Variants in SERPINA1 observed in about 807,000 individuals in gnomAD.
SERPINA1 encodes alpha-1-antitrypsin.
In SERPINA1, 21 loss-of-function variants were observed where a neutral mutation model predicts 25.4. That is an observed-to-expected ratio of 0.83 (90% CI 0.59 to 1.19). The LOEUF (loss-of-function observed/expected upper bound fraction) is 1.19, where lower values mean the gene tolerates loss of function less well. Ranked by LOEUF, SERPINA1 falls within the 50% of genes most tolerant of loss-of-function variation. SERPINA1 has a pLI of 0.00. For missense variants in SERPINA1, 546 were observed against 509.0 expected (o/e 1.07, Z -0.70); for synonymous variants, 218 against 211.1 (o/e 1.03, Z -0.29).
Position 94,382,665 on chromosome 14 carries a change from C to T in SERPINA1, c.573G>A (p.Gly191=), listed in dbSNP as rs200414579. The change falls in exon 2 of 5, where the codon GGG becomes GGA. Residue 191 remains glycine, a synonymous_variant. Coordinates refer to ENST00000393087, the MANE Select transcript of SERPINA1 (RefSeq NM_000295.5). The stretch of plus-strand genomic sequence containing the variant: ...GCTCCTTGACCAAATCCACAATTTT[C>T]CCTTGAGTACCCTTCTCCACGTAAT... The part of the protein sequence containing the change: ...INDYVEKGTQ[G]KIVDLVKELD... 1.4e-5 allele frequency: 23 copies of T among 1,614,252 alleles called. No individual in the cohort carries two copies. Among genetic ancestry groups the T allele is most frequent in the Non-Finnish European group, 1.9e-5 (22 of 1,180,048 alleles).
At chr14:94,384,978 A>C (rs1365548006) in intron 1 of SERPINA1, among the ~76,000 whole-genome samples, 1 of 152,198 alleles carries the variant, frequency 6.6e-6, no homozygotes, top group Non-Finnish European at 1.5e-5. Flanking sequence ...TCAGCTAGCT[A>C]GTGTTGTTAG....
Position 94,378,256 on chromosome 14 carries a change from C to T in SERPINA1, c.*193G>A. The T allele has an allele frequency of 1.6e-6, 1 of 616,502 alleles. No individual in the cohort carries two copies. The highest frequency in any genetic ancestry group is 2.8e-5 in the Admixed American group (1 of 35,454). 38.2% of individuals were successfully genotyped at this position (616,502 alleles called of 1,614,324 possible). ...CCTACCCAGCCAGATGCTCCATGAA[C>T]ACAGTTCAGGGGGCCCGAAGACAGC... On this transcript the variant is annotated 3_prime_UTR_variant, in exon 5 of 5. Coordinates refer to ENST00000393087, the MANE Select transcript of SERPINA1 (RefSeq NM_000295.5).
At chr14:94,383,684 G>T (rs1458107654) in intron 1 of SERPINA1, 3 of 178,412 alleles carry the variant, frequency 1.7e-5, no homozygotes, top group African/African-American at 7.0e-5. Flanking sequence ...TTTTACAAAA[G>T]AAGAAAATGA....
At position 94,378,297 on chromosome 14, in the gene SERPINA1, C is replaced by T; in HGVS notation, c.*152G>A. The T allele has an allele frequency of 1.4e-6, 1 of 691,934 alleles. No homozygotes were observed. The highest frequency in any genetic ancestry group is 2.4e-5 in the Admixed American group (1 of 42,362). The allele number at this position is 691,934 out of a possible 1,614,324, so 42.9% of individuals were successfully genotyped here. ...CGAAGACAGCACTGTTACCTGGAGC[C>T]CACATACAGCCTCAGCAGGCAAAGG... On this transcript the variant is annotated 3_prime_UTR_variant, in exon 5 of 5. Coordinates refer to ENST00000393087, the MANE Select transcript of SERPINA1 (RefSeq NM_000295.5).
chr14:94,380,544 T>A, intron 3 of SERPINA1: 1 of 398,872 alleles, frequency 2.5e-6, no homozygotes. Flanking sequence ...CCTTTTTGGT[T>A]CTGCCAGAAC....
Position 94,378,498 on chromosome 14 carries a change from G to C in SERPINA1, c.1208C>G (p.Thr403Ser), listed in dbSNP as rs778747339. The C allele has an allele frequency of 8.1e-6, 13 of 1,614,108 alleles. No homozygotes were observed. The South Asian group carries it at 1.4e-4, about 18-fold the overall frequency. The change falls in exon 5 of 5, where the codon ACC (threonine) becomes AGC (serine). Residue 403 changes from threonine (T) to serine (S), a missense_variant. Coordinates refer to ENST00000393087, the MANE Select transcript of SERPINA1 (RefSeq NM_000295.5). ...PFVFLMIEQN[T>S]KSPLFMGKVV... ...TTTTCCCATGAAGAGGGGAGACTTG[G>C]TATTTTGTTCAATCATTAAGAAGAC...
chr14:94,380,930 G>A lies in SERPINA1; in HGVS notation c.858C>T (p.His286=), dbSNP rs1197102086. 6.2e-7 allele frequency: 1 copy of A among 1,614,184 alleles called. No homozygotes were observed. Among genetic ancestry groups the A allele is most frequent in the South Asian group, 1.1e-5 (1 of 91,084 alleles). Residue 286 remains histidine (H), a synonymous_variant, in exon 3 of 5, where the codon CAC becomes CAT. Transcript: ENST00000393087. ...TATCGTGGGTGAGTTCATTTTCCAG[G>A]TGCTGTAGTTTCCCCTCATCAGGCA... ...FFLPDEGKLQ[H]LENELTHDII... is the part of the protein sequence containing the mutation.
chr14:94,383,217 C>T lies in SERPINA1; in HGVS notation c.21G>A (p.Trp7Ter), dbSNP rs370038282. 1 of 1,613,518 alleles carries T rather than the reference C, an allele frequency of 6.2e-7. No individual in the cohort carries two copies. MPSSVS[W>*]GILLLAGLCC... is the part of the protein sequence containing the mutation. Reference sequence around the variant, plus strand: ...ACAGGCCTGCCAGCAGGAGGATGCCCCACGAGACAGAAGACGGCATTGTCC... The same window carrying T: ...ACAGGCCTGCCAGCAGGAGGATGCCTCACGAGACAGAAGACGGCATTGTCC... The change falls in exon 2 of 5, where the codon TGG becomes TGA. Residue 7 changes from tryptophan (W) to a stop codon, truncating the protein, a stop_gained. Coordinates refer to ENST00000393087, the MANE Select transcript of SERPINA1 (RefSeq NM_000295.5). LOFTEE classifies it high-confidence loss of function.
chr14:94,385,771 G>C (rs763237559), intron 1 of SERPINA1, among the ~76,000 whole-genome samples: 27 of 152,148 alleles, frequency 1.8e-4, no homozygotes, highest in African/African-American at 6.5e-4. Flanking sequence ...GGAGGGTGGC[G>C]AGGGGGTGAC....
At position 94,382,995 on chromosome 14, in the gene SERPINA1, G is replaced by T. The variant is rs1370088901; in HGVS notation, c.243C>A (p.Ile81=). The T allele has an allele frequency of 6.2e-7, 1 of 1,609,338 alleles. No homozygotes were observed. The highest frequency in any genetic ancestry group is 8.5e-7 in the Non-Finnish European group (1 of 1,176,160). ...GGGAGAGCATTGCAAAGGCTGTAGCGATGCTCACTGGGGAGAAGAAGATAT... is the reference window on the plus strand; with the variant it reads ...GGGAGAGCATTGCAAAGGCTGTAGCTATGCTCACTGGGGAGAAGAAGATAT... ...STNIFFSPVS[I]ATAFAMLSLG... is the part of the protein sequence containing the mutation. The change falls in exon 2 of 5, where the codon ATC becomes ATA. Residue 81 remains isoleucine (I), a synonymous_variant. Coordinates refer to ENST00000393087, the MANE Select transcript of SERPINA1 (RefSeq NM_000295.5).
intron 1 of SERPINA1, among the ~76,000 whole-genome samples, chr14:94,386,574 G>C (rs1247972909): frequency 2.6e-5 from 4 of 152,204 alleles, no homozygotes; most frequent in Non-Finnish European, 5.9e-5. Context: ...CAGGGATGAG[G>C]AATAACTGAC....
chr14:94,379,699 G>T, intron 3 of SERPINA1, 88 bp from the exon 4 acceptor site: 1 of 1,576,956 alleles, frequency 6.3e-7, no homozygotes, highest in Non-Finnish European at 8.7e-7. Context: ...TTTCTTTTCT[G>T]ATTATTTCTG....
At chr14:94,385,750 G>C (rs1024535951) in intron 1 of SERPINA1, among the ~76,000 whole-genome samples, 1 of 152,226 alleles carries the variant, frequency 6.6e-6, no homozygotes, top group Non-Finnish European at 1.5e-5. Context: ...GAGGTGGAGA[G>C]GCTGGTGCAG....
In SERPINA1 at chr14:94,378,245, T is replaced by A. The variant is rs1896503765; in HGVS notation, c.*204A>T. 2 of 607,078 alleles carry A rather than the reference T, an allele frequency of 3.3e-6. No homozygotes were observed. The highest frequency in any genetic ancestry group is 5.8e-6 in the Non-Finnish European group (2 of 341,918). 37.6% of individuals were successfully genotyped at this position (607,078 alleles called of 1,614,324 possible). A position where few individuals can be genotyped will look rare whatever the true frequency, so the allele number is the denominator to read the frequency against. ...CCCAGCATGTGCCTACCCAGCCAGA[T>A]GCTCCATGAACACAGTTCAGGGGGC... On this transcript the variant is annotated 3_prime_UTR_variant, in exon 5 of 5. Transcript: ENST00000393087.
rs1896469396 is a variant in SERPINA1 at position 94,377,800 on chromosome 14, ATGGGCTT to A, written c.*642_*648del. Reference sequence around the variant, plus strand: ...AGGTGTCCTTGTTGCCCCATGGAGAATGGGCTTCAGGAAGAATCTGCCTCAGTCATTT... The same window carrying A: ...AGGTGTCCTTGTTGCCCCATGGAGAACAGGAAGAATCTGCCTCAGTCATTT... On this transcript the variant is annotated 3_prime_UTR_variant, in exon 5 of 5. Coordinates refer to ENST00000393087, the MANE Select transcript of SERPINA1 (RefSeq NM_000295.5). 6.5e-6 allele frequency: 1 copy of A among 154,008 alleles called. No homozygotes were observed. The highest frequency in any genetic ancestry group is 2.4e-5 in the African/African-American group (1 of 41,452). The allele number at this position is 154,008 out of a possible 1,614,324, so 9.5% of individuals were successfully genotyped here.
intron 2 of SERPINA1, among the ~76,000 whole-genome samples, chr14:94,381,446 G>A (rs990296296): frequency 1.3e-5 from 2 of 152,168 alleles, no homozygotes; most frequent in African/African-American, 4.8e-5. Context: ...GTTTATTTGA[G>A]GGTGTCTTGG....
chr14:94,389,700 C>T (rs1471067948), upstream of SERPINA1: 4 of 152,200 alleles, frequency 2.6e-5, no homozygotes, highest in East Asian at 1.9e-4. Context: ...GCGTACGTGC[C>T]GTAGATACTT....
intron 1 of SERPINA1, among the ~76,000 whole-genome samples, chr14:94,385,264 T>C (rs1897215148): frequency 6.6e-6 from 1 of 152,228 alleles, no homozygotes; most frequent in South Asian, 2.1e-4. Flanking sequence ...GGGGCCTCAC[T>C]CTCCCCAGTT....
At chr14:94,381,880 T>C (rs976288020) in intron 2 of SERPINA1, among the ~76,000 whole-genome samples, 1 of 152,194 alleles carries the variant, frequency 6.6e-6, no homozygotes, top group Non-Finnish European at 1.5e-5. Context: ...AAGCAGCCCC[T>C]GGCCTTGCCT....
Sources: allele counts gnomAD v4.1 joint callset (sites outside exome capture counted in the v4.1 genomes callset), GRCh38; gene constraint gnomAD v4.1.1; transcripts MANE v1.5; gene names NCBI Gene and HGNC (gene_info 2026-07-23, HGNC 2026-07-21).